The following SEC14L1 variants were observed in gnomAD, a reference collection of about 807,000 sequenced individuals.
SEC14L1 encodes the protein SEC14-like protein 1.
SEC14L1 carries 48 observed loss-of-function variants against 85.3 expected under a neutral mutation model. The ratio of observed to expected loss-of-function variants is 0.56; its 90% CI spans 0.45 to 0.72. The LOEUF (loss-of-function observed/expected upper bound fraction) is 0.72, where lower values mean the gene tolerates loss of function less well. SEC14L1 is among the 30% of genes least tolerant of loss of function. The pLI, the probability that SEC14L1 is intolerant of heterozygous loss-of-function variation, is 0.00. For synonymous variants in SEC14L1, 391 were observed against 355.5 expected, an observed-to-expected ratio of 1.10 and a Z score of -1.12; for missense variants, 682 against 921.4, an observed-to-expected ratio of 0.74 and a Z score of 3.36.
intron 3 of SEC14L1, among the ~76,000 whole-genome samples, chr17:77,098,368 G>A (rs1384920133): frequency 6.6e-6 from 1 of 151,946 alleles, no homozygotes; most frequent in African/African-American, 2.4e-5. Context: ...GCGTGGTGGT[G>A]CATACCTGTA....
chr17:77,202,635 G>C (rs1976211858), intron 9 of SEC14L1, among the ~76,000 whole-genome samples: 1 of 151,058 alleles, frequency 6.6e-6, no homozygotes, highest in African/African-American at 2.4e-5. Flanking sequence ...AAACAAAAAA[G>C]GAGGCCCAGC....
chr17:77,142,400 C>T (rs956471948), intron 1 of SEC14L1, among the ~76,000 whole-genome samples: 1 of 151,698 alleles, frequency 6.6e-6, no homozygotes, highest in Non-Finnish European at 1.5e-5. Flanking sequence ...CATGGGGAAA[C>T]CTTCTACAAA....
chr17:77,137,790 C>A (rs908188531), upstream of SEC14L1, among the ~76,000 whole-genome samples: 1 of 152,156 alleles, frequency 6.6e-6, no homozygotes, highest in South Asian at 2.1e-4. Context: ...TTTATTGTAA[C>A]AAAAGATTGC....
chr17:77,191,348 C>T (rs754348377), intron 5 of SEC14L1, 36 bp downstream of exon 5: 10 of 1,610,752 alleles, frequency 6.2e-6, no homozygotes, highest in East Asian at 4.5e-5. Context: ...GATGTTCTGC[C>T]GACATATGGC....
At position 77,212,081 on chromosome 17, in the gene SEC14L1, C is replaced by A; in HGVS notation, c.1743C>A (p.Ala581=). 6.2e-7 allele frequency: 1 copy of A among 1,614,156 alleles called. No homozygotes were observed. Among genetic ancestry groups the A allele is most frequent in the Non-Finnish European group, 8.5e-7 (1 of 1,180,042 alleles). The change falls in exon 15 of 17, where the codon GCC becomes GCA. Residue 581 remains alanine, a synonymous_variant. Transcript: ENST00000436233. ...PQPPKKDSLG[A]HSITSPGGNN... is the part of the protein sequence containing the mutation. ...CACCCAAAAAGGACTCCCTGGGAGC[C>A]CACAGCATCACCTCTCCGGGTGGGA...
intron 3 of SEC14L1, among the ~76,000 whole-genome samples, chr17:77,105,897 A>G (rs1271754273): frequency 6.6e-6 from 1 of 152,104 alleles, no homozygotes; most frequent in Non-Finnish European, 1.5e-5. Context: ...CCCTAGTGCA[A>G]AACTCCCTAA....
At chr17:77,138,422 C>T (rs1455601885), upstream of SEC14L1, among the ~76,000 whole-genome samples, 6 of 151,922 alleles carry the variant, frequency 3.9e-5, no homozygotes, top group African/African-American at 1.5e-4. Context: ...GAGTTTGAGA[C>T]CGGCCTGACC....
intron 3 of SEC14L1, among the ~76,000 whole-genome samples, chr17:77,190,131 A>G (rs564275706): frequency 2.6e-5 from 4 of 151,962 alleles, no homozygotes; most frequent in South Asian, 4.2e-4. Flanking sequence ...GTTAATTTTT[A>G]TACAAGGTGT....
At chr17:77,164,409 C>T (rs190124569) in intron 3 of SEC14L1, among the ~76,000 whole-genome samples, 6 of 152,166 alleles carry the variant, frequency 3.9e-5, no homozygotes, top group Non-Finnish European at 7.3e-5. Flanking sequence ...TCCCAATTTC[C>T]CCCCACCTCT....
chr17:77,149,213 C>T (rs1411730155), intron 3 of SEC14L1, among the ~76,000 whole-genome samples: 1 of 152,162 alleles, frequency 6.6e-6, no homozygotes, highest in Non-Finnish European at 1.5e-5. Flanking sequence ...TTCACAAAGC[C>T]TCTTGAGTGT....
At chr17:77,134,858 T>A (rs1386519054) in intron 3 of SEC14L1, among the ~76,000 whole-genome samples, 1 of 152,228 alleles carries the variant, frequency 6.6e-6, no homozygotes, top group Non-Finnish European at 1.5e-5. Context: ...CCTTGTAAAG[T>A]GCTGGGATGA....
intron 14 of SEC14L1, chr17:77,210,770 C>G (rs1022716078): frequency 1.3e-5 from 2 of 152,188 alleles, no homozygotes; most frequent in Non-Finnish European, 2.9e-5. Flanking sequence ...GTTTGTTAGG[C>G]ACTATCGCTC....
chr17:77,198,907 T>C (rs1975963007), intron 8 of SEC14L1: 1 of 151,932 alleles, frequency 6.6e-6, no homozygotes, highest in African/African-American at 2.4e-5. Flanking sequence ...CATTAAAAAG[T>C]CATGACATTT....
rs139388912 is a variant in SEC14L1, at chr17:77,164,180, T to C, written c.63+20521T>C. On this transcript the variant is annotated intron_variant, in intron 3 of 16. Coordinates refer to ENST00000436233, the MANE Select transcript of SEC14L1 (RefSeq NM_001143998.2). ...GCTGCCTCGCCTGCTGACAGCGGTG[T>C]GGGCTGACCCGGTACCGTGCCCCCG... Among the ~76,000 whole-genome samples the C allele has an allele frequency of 2.7e-4, 41 of 152,318 alleles. No homozygotes were observed. In the East Asian group the frequency reaches 7.5e-3, roughly 28 times the overall value.
intron 10 of SEC14L1, among the ~76,000 whole-genome samples, chr17:77,204,643 G>C (rs1365422583): frequency 6.8e-6 from 1 of 147,812 alleles, no homozygotes; most frequent in Non-Finnish European, 1.5e-5. Flanking sequence ...GCTTCAAACT[G>C]CTGTCCTCAA....
rs908660842 is a variant in SEC14L1 at position 77,107,845 on chromosome 17, G to T, written c.-136+14498G>T. ...CACAGATGCCTGAAAGTCCCTTTGA[G>T]AAAGGAGCCATGCTGGCTGGTTTTA... On this transcript the variant is annotated intron_variant, in intron 3 of 19. Transcript: ENST00000392476. Among the ~76,000 whole-genome samples the T allele has an allele frequency of 2.0e-5, 3 of 152,204 alleles. No individual in the cohort carries two copies. The East Asian group carries it at 5.8e-4, about 29-fold the overall frequency.
chr17:77,140,494 CA>C (rs1356397566), upstream of SEC14L1, among the ~76,000 whole-genome samples: 4 of 152,264 alleles, frequency 2.6e-5, no homozygotes, highest in Non-Finnish European at 5.9e-5. Context: ...AGCACGGGGG[CA>C]GCCGCCAGGG....
chr17:77,141,530 G>A (rs1260087345), intron 1 of SEC14L1: 1 of 152,224 alleles, frequency 6.6e-6, no homozygotes, highest in Non-Finnish European at 1.5e-5. Context: ...GCCTGCTCGG[G>A]ATGCGTTCAG....
intron 2 of SEC14L1, chr17:77,089,300 A>C (rs1441604097): frequency 2.1e-6 from 1 of 471,620 alleles, no homozygotes; most frequent in African/African-American, 2.0e-5. Context: ...CAAAGTGTTC[A>C]GGTCAGACGG....
Sources: allele counts gnomAD v4.1 joint callset (sites outside exome capture counted in the v4.1 genomes callset), GRCh38; gene constraint gnomAD v4.1.1; transcripts MANE v1.5; gene names NCBI Gene and HGNC (gene_info 2026-07-23, HGNC 2026-07-21).